The following EGFLAM variants were observed in gnomAD, a reference collection of about 807,000 sequenced individuals.
EGFLAM encodes the protein EGF like, fibronectin type III and laminin G domains.
Under a neutral mutation model 113.1 loss-of-function variants are expected in EGFLAM, and 79 were observed. That is an observed-to-expected ratio of 0.70 (90% confidence interval 0.58 to 0.84). The LOEUF (loss-of-function observed/expected upper bound fraction) is 0.84. Among genes scored for constraint, EGFLAM ranks in the 40% least tolerant of loss-of-function variants. The pLI is 0.00. For synonymous variants in EGFLAM, 504 were observed against 487.6 expected (o/e 1.03, Z -0.44); for missense variants, 1,265 against 1,291.6 (o/e 0.98, Z 0.32).
chr5:38,410,224 C>T (rs1046803159), intron 10 of EGFLAM, among the ~76,000 whole-genome samples: 6 of 152,234 alleles, frequency 3.9e-5, no homozygotes, highest in African/African-American at 1.2e-4. Context: ...GAGCATCCCA[C>T]TTGGGCTAGA....
At chr5:38,359,985 T>C (rs554318978) in intron 5 of EGFLAM, among the ~76,000 whole-genome samples, 61 of 152,218 alleles carry the variant, frequency 4.0e-4, no homozygotes, top group Non-Finnish European at 7.1e-4. Flanking sequence ...TTCAAGGTCA[T>C]GCAACCTGGG....
Position 38,387,618 on chromosome 5 carries a change from C to T in EGFLAM, c.712+17156C>T, listed in dbSNP as rs376523839. ...TCTCAGTCTTAGCATTTCATGATTC[C>T]CTCTCTGATGGAGAATGACTTTGCG... On this transcript the variant is annotated intron_variant, in intron 6 of 21. Coordinates refer to ENST00000322350, the MANE Select transcript of EGFLAM (RefSeq NM_152403.4). 1.3e-3 allele frequency among the ~76,000 whole-genome samples: 195 copies of T among 152,348 alleles called. 3 individuals carry two copies. The South Asian group carries it at 0.038, about 29-fold the overall frequency.
At chr5:38,391,238 A>G (rs1740801185) in intron 6 of EGFLAM, among the ~76,000 whole-genome samples, 1 of 152,206 alleles carries the variant, frequency 6.6e-6, no homozygotes, top group African/African-American at 2.4e-5. Flanking sequence ...TAAATGATTC[A>G]GCCTTTCCCC....
chr5:38,264,302 G>T (rs1237105460), intron 1 of EGFLAM, among the ~76,000 whole-genome samples: 1 of 152,092 alleles, frequency 6.6e-6, no homozygotes, highest in Non-Finnish European at 1.5e-5. Flanking sequence ...GAGTATCTGG[G>T]TGTCCATAAT....
chr5:38,298,012 G>A (rs1033276475), intron 1 of EGFLAM, among the ~76,000 whole-genome samples: 4 of 152,158 alleles, frequency 2.6e-5, no homozygotes, highest in South Asian at 2.1e-4. Context: ...CACACAGCAC[G>A]TAAAGAACAT....
intron 20 of EGFLAM, among the ~76,000 whole-genome samples, chr5:38,460,140 C>T (rs1743223590): frequency 6.6e-6 from 1 of 152,210 alleles, no homozygotes; most frequent in Non-Finnish European, 1.5e-5. Flanking sequence ...GAGCTCTTTA[C>T]CTCTAACCAC....
chr5:38,271,216 C>A (rs1757756493), intron 1 of EGFLAM, among the ~76,000 whole-genome samples: 2 of 152,168 alleles, frequency 1.3e-5, no homozygotes, highest in African/African-American at 4.8e-5. Flanking sequence ...GCATGGCTCC[C>A]TACCTTGAAA....
At chr5:38,400,822 G>C (rs1426691847) in intron 6 of EGFLAM, among the ~76,000 whole-genome samples, 2 of 152,170 alleles carry the variant, frequency 1.3e-5, no homozygotes, top group African/African-American at 4.8e-5. Context: ...TTCTCTGGGC[G>C]AGTCTCATGG....
chr5:38,423,926 T>C (rs373714435), intron 12 of EGFLAM, among the ~76,000 whole-genome samples: 1 of 152,064 alleles, frequency 6.6e-6, no homozygotes, highest in African/African-American at 2.4e-5. Context: ...GGGTGAGAGA[T>C]TCATCCTGCC....
At chr5:38,447,323 C>T (rs940944894) in intron 17 of EGFLAM, among the ~76,000 whole-genome samples, 2 of 152,206 alleles carry the variant, frequency 1.3e-5, no homozygotes, top group African/African-American at 4.8e-5. Flanking sequence ...GTTTCAAGGC[C>T]TAGTGCTCTC....
At chr5:38,331,479 A>G (rs529624512) in intron 1 of EGFLAM, among the ~76,000 whole-genome samples, 5 of 152,294 alleles carry the variant, frequency 3.3e-5, no homozygotes, top group Non-Finnish European at 7.4e-5. Context: ...TAGAGTTAGA[A>G]TCATACAGTA....
intron 1 of EGFLAM, among the ~76,000 whole-genome samples, chr5:38,295,895 G>A (rs759825821): frequency 1.3e-4 from 20 of 152,320 alleles, no homozygotes; most frequent in Non-Finnish European, 2.8e-4. Flanking sequence ...ATTCTGAAAT[G>A]TGGGGGAGTA....
chr5:38,387,936 A>G (rs759215471), intron 6 of EGFLAM, among the ~76,000 whole-genome samples: 1 of 151,972 alleles, frequency 6.6e-6, no homozygotes, highest in African/African-American at 2.4e-5. Flanking sequence ...TCTTTGCCTG[A>G]CCTTATATAC....
chr5:38,337,479 T>C (rs954336256), intron 1 of EGFLAM, 41 bp from the exon 2 acceptor site: 1 of 1,523,672 alleles, frequency 6.6e-7, no homozygotes, highest in Admixed American at 1.9e-5. Flanking sequence ...CAAGGTGGGA[T>C]GTGTGGAGCC....
chr5:38,348,607 G>C (rs1431453241), intron 3 of EGFLAM, among the ~76,000 whole-genome samples: 2 of 152,198 alleles, frequency 1.3e-5, no homozygotes, highest in Non-Finnish European at 2.9e-5. Context: ...CAATAGGTTT[G>C]TAGTGAGAGT....
intron 1 of EGFLAM, among the ~76,000 whole-genome samples, chr5:38,277,653 G>A (rs1757918761): frequency 6.6e-6 from 1 of 152,120 alleles, no homozygotes; most frequent in Non-Finnish European, 1.5e-5. Context: ...CTTATGTATA[G>A]AGAAGACCGT....
At chr5:38,354,857 A>G (rs1343686133) in intron 5 of EGFLAM, among the ~76,000 whole-genome samples, 2 of 152,160 alleles carry the variant, frequency 1.3e-5, no homozygotes, top group Admixed American at 1.3e-4. Flanking sequence ...AATTTTCTCT[A>G]TATCTATGTA....
At chr5:38,462,148 G>A (rs1474139971) in intron 20 of EGFLAM, among the ~76,000 whole-genome samples, 2 of 152,164 alleles carry the variant, frequency 1.3e-5, no homozygotes, top group East Asian at 1.9e-4. Flanking sequence ...CAGCCTGGGC[G>A]ACAGCGGGAC....
At chr5:38,425,188 T>G (rs888203953) in intron 13 of EGFLAM, 96 bp downstream of exon 13, 1 of 1,502,180 alleles carries the variant, frequency 6.7e-7, no homozygotes, top group African/African-American at 1.4e-5. Flanking sequence ...AATTTGTTTG[T>G]TTGTTTTTGA....
Sources: gnomAD v4.1 joint callset for allele counts (sites outside exome capture counted in the v4.1 genomes callset) on GRCh38, gnomAD v4.1.1 for gene constraint, MANE v1.5 for transcripts, NCBI Gene and HGNC (gene_info 2026-07-23, HGNC 2026-07-21) for gene names.